The following BIRC5 variants were observed in gnomAD, a reference collection of about 807,000 sequenced individuals.
BIRC5 encodes baculoviral IAP repeat containing 5.
BIRC5 carries 8 observed loss-of-function variants against 15.8 expected under a neutral mutation model. The observed-to-expected ratio is 0.51, with a 90% CI of 0.30 to 0.91. The LOEUF is 0.91. BIRC5 is among the 40% of genes least tolerant of loss of function. BIRC5 has a pLI of 0.07. For missense variants in BIRC5, 163 were observed against 178.6 expected, an observed-to-expected ratio of 0.91 and a Z score of 0.50; for synonymous variants, 56 against 64.5, an observed-to-expected ratio of 0.87 and a Z score of 0.63.
rs1011628017 is a variant in BIRC5, at chr17:78,223,965, G to T, written c.*411G>T. Reference sequence around the variant, plus strand: ...TGTTGAGGCTGTCACAGTCCTGAGTGTGGACTTGGCAGGTGCCTGTTGAAT... The same window carrying T: ...TGTTGAGGCTGTCACAGTCCTGAGTTTGGACTTGGCAGGTGCCTGTTGAAT... On this transcript the variant is annotated 3_prime_UTR_variant, in exon 4 of 4. Transcript: ENST00000350051. 1.4e-5 allele frequency: 3 copies of T among 209,618 alleles called. No homozygotes were observed. Among genetic ancestry groups the T allele is most frequent in the Non-Finnish European group, 2.8e-5 (3 of 105,866 alleles). The allele number at this position is 209,618 out of a possible 1,614,324, so 13.0% of individuals were successfully genotyped here. A position where few individuals can be genotyped will look rare whatever the true frequency, so the allele number is the denominator to read the frequency against.
chr17:78,223,123 G>T, intron 3 of BIRC5: 4 of 933,056 alleles, frequency 4.3e-6, no homozygotes, highest in Non-Finnish European at 6.1e-6. Flanking sequence ...CTGGACCTCG[G>T]TTTCCTCACC....
intron 3 of BIRC5, among the ~76,000 whole-genome samples, chr17:78,222,485 G>GGA (rs775773351): frequency 2.8e-4 from 43 of 151,924 alleles, no homozygotes; most frequent in Non-Finnish European, 5.1e-4. Flanking sequence ...TGACCAACAT[G>GGA]GAGAGACCCC....
At chr17:78,216,453 G>A (rs1272445392) in intron 2 of BIRC5, 2 of 503,558 alleles carry the variant, frequency 4.0e-6, no homozygotes, top group African/African-American at 3.8e-5. Context: ...TGTGGGGGGA[G>A]ATGTCCACAG....
intron 3 of BIRC5, among the ~76,000 whole-genome samples, chr17:78,221,396 G>A (rs1014194381): frequency 2.0e-5 from 3 of 151,980 alleles, no homozygotes; most frequent in South Asian, 2.1e-4. Flanking sequence ...GACTACAGGC[G>A]CATGCCACCA....
chr17:78,223,321 G>T, intron 3 of BIRC5, 144 bp from the exon 4 acceptor site: 1 of 735,398 alleles, frequency 1.4e-6, no homozygotes, highest in Non-Finnish European at 2.1e-6. Flanking sequence ...GTCCCAGGTA[G>T]CTGGGAATCT....
At chr17:78,222,152 T>G (rs936978944) in intron 3 of BIRC5, among the ~76,000 whole-genome samples, 2 of 151,384 alleles carry the variant, frequency 1.3e-5, no homozygotes, top group Admixed American at 6.6e-5. Context: ...CAGTAAGCCA[T>G]GATCTTGCCA....
rs1012093533 is a variant in BIRC5, at chr17:78,224,338, A to C, written c.*784A>C. 1 of 152,254 alleles carries C rather than the reference A, an allele frequency of 6.6e-6. No individual in the cohort carries two copies. Among genetic ancestry groups the C allele is most frequent in the Non-Finnish European group, 1.5e-5 (1 of 68,072 alleles). The allele number at this position is 152,254 out of a possible 1,614,324, so 9.4% of individuals were successfully genotyped here. On this transcript the variant is annotated 3_prime_UTR_variant, in exon 4 of 4. Transcript: ENST00000350051. ...CACTGCTGTGTGATTAGACAGGCCC[A>C]GTGAGCCGCGGGGCACATGCTGGCC...
In BIRC5 at chr17:78,214,366, A is replaced by G. The variant is rs1266173508; in HGVS notation, c.50A>G (p.His17Arg). 1 of 1,607,626 alleles carries G rather than the reference A, an allele frequency of 6.2e-7. No homozygotes were observed. The highest frequency in any genetic ancestry group is 1.3e-5 in the African/African-American group (1 of 74,108). Reference protein sequence around the residue: ...PPAWQPFLKDHRISTFKNWPF... With the variant: ...PPAWQPFLKDRRISTFKNWPF... Reference sequence around the variant, plus strand: ...GCCTGGCAGCCCTTTCTCAAGGACCACCGCATCTCTACATTCAAGAACTGG... The same window carrying G: ...GCCTGGCAGCCCTTTCTCAAGGACCGCCGCATCTCTACATTCAAGAACTGG... The change falls in exon 1 of 4, where the codon CAC becomes CGC. Residue 17 changes from histidine (H) to arginine (R), a missense_variant. By Grantham distance (29) the His-to-Arg change is conservative. Transcript: ENST00000350051.
intron 3 of BIRC5, among the ~76,000 whole-genome samples, chr17:78,217,755 C>CCAAA: frequency 6.6e-6 from 1 of 151,930 alleles, no homozygotes; most frequent in Non-Finnish European, 1.5e-5. Flanking sequence ...CCTCGGCCTC[C>CCAAA]CAAAGTGCTG....
rs1166545623 is a variant in BIRC5 at position 78,223,792 on chromosome 17, T to C, written c.*238T>C. 8.1e-6 allele frequency: 7 copies of C among 869,030 alleles called. No homozygotes were observed. Among genetic ancestry groups the C allele is most frequent in the Non-Finnish European group, 9.8e-6 (6 of 612,184 alleles). 53.8% of individuals were successfully genotyped at this position (869,030 alleles called of 1,614,324 possible). On this transcript the variant is annotated 3_prime_UTR_variant, in exon 4 of 4. Coordinates refer to ENST00000350051, the MANE Select transcript of BIRC5 (RefSeq NM_001168.3). ...TGGCTGCTTCTCTCTCTCTCTCTCTTTTTTGGGGGCTCATTTTTGCTGTTT... is the reference window on the plus strand; with the variant it reads ...TGGCTGCTTCTCTCTCTCTCTCTCTCTTTTGGGGGCTCATTTTTGCTGTTT...
intron 2 of BIRC5, 77 bp from the exon 3 acceptor site, chr17:78,216,576 TGGAGGGCGTGG>T: frequency 9.4e-7 from 1 of 1,063,050 alleles, no homozygotes; most frequent in Admixed American, 1.8e-5. Context: ...GGTGTGCCTG[TGGAGGGCGTGG>T]GGAGGTGGCC....
At chr17:78,216,061 A>G (rs375550186) in intron 2 of BIRC5, 86 of 785,378 alleles carry the variant, frequency 1.1e-4, no homozygotes, top group Middle Eastern at 7.0e-4. Context: ...CATCTTGGCT[A>G]ATACGGTGAA....
rs1013030310 is a variant in BIRC5, at chr17:78,224,243, G to A, written c.*689G>A. ...AGCCATTCTAAGTCATTGGGGAAAC[G>A]GGGTGAACTTCAGGTGGATGAGGAG... On this transcript the variant is annotated 3_prime_UTR_variant, in exon 4 of 4. Coordinates refer to ENST00000350051, the MANE Select transcript of BIRC5 (RefSeq NM_001168.3). 2 of 152,156 alleles carry A rather than the reference G, an allele frequency of 1.3e-5. No individual in the cohort carries two copies. The highest frequency in any genetic ancestry group is 2.4e-5 in the African/African-American group (1 of 41,416). 9.4% of individuals were successfully genotyped at this position (152,156 alleles called of 1,614,324 possible).
chr17:78,221,900 T>C (rs1250966548), intron 3 of BIRC5, among the ~76,000 whole-genome samples: 2 of 152,264 alleles, frequency 1.3e-5, no homozygotes, highest in African/African-American at 4.8e-5. Flanking sequence ...CACAGTCCAT[T>C]ATAAGTGCGC....
Position 78,223,656 on chromosome 17 carries a change from A to G in BIRC5, c.*102A>G. On this transcript the variant is annotated 3_prime_UTR_variant, in exon 4 of 4. Coordinates refer to ENST00000350051, the MANE Select transcript of BIRC5 (RefSeq NM_001168.3). ...CCTGTGGGCCCCTTAGCAATGTCTTAGGAAAGGAGATCAACATTTTCAAAT... is the reference window on the plus strand; with the variant it reads ...CCTGTGGGCCCCTTAGCAATGTCTTGGGAAAGGAGATCAACATTTTCAAAT... 1 of 1,554,926 alleles carries G rather than the reference A, an allele frequency of 6.4e-7. No individual in the cohort carries two copies. The highest frequency in any genetic ancestry group is 8.7e-7 in the Non-Finnish European group (1 of 1,150,074).
chr17:78,221,806 A>G (rs374286758), intron 3 of BIRC5, among the ~76,000 whole-genome samples: 1 of 152,196 alleles, frequency 6.6e-6, no homozygotes, highest in African/African-American at 2.4e-5. Context: ...TGAATAATCC[A>G]TGTGTGTATA....
At chr17:78,219,685 C>T (rs1369156836) in intron 3 of BIRC5, among the ~76,000 whole-genome samples, 1 of 152,220 alleles carries the variant, frequency 6.6e-6, no homozygotes, top group African/African-American at 2.4e-5. Flanking sequence ...TGCCATAGAC[C>T]ATCTCTTAGC....
At chr17:78,215,409 T>C (rs1028502270) in intron 2 of BIRC5, among the ~76,000 whole-genome samples, 1 of 151,260 alleles carries the variant, frequency 6.6e-6, no homozygotes, top group Non-Finnish European at 1.5e-5. Context: ...AGAGCGAGAC[T>C]CCGTCATAAA....
rs1408729507 is a variant in BIRC5 at position 78,216,754 on chromosome 17, G to A, written c.312G>A (p.Leu104=). Residue 104 remains leucine, a synonymous_variant, in exon 3 of 4, where the codon CTG becomes CTA. Transcript: ENST00000350051. ...TAACCCTTGGTGAATTTTTGAAACT[G>A]GACAGAGAAAGAGCCAAGAACAAAA... ...EELTLGEFLK[L]DRERAKNKIA... The A allele has an allele frequency of 1.2e-6, 2 of 1,613,698 alleles. No individual in the cohort carries two copies. The highest frequency in any genetic ancestry group is 1.7e-6 in the Non-Finnish European group (2 of 1,179,874).
Sources: allele counts gnomAD v4.1 joint callset (sites outside exome capture counted in the v4.1 genomes callset), GRCh38; gene constraint gnomAD v4.1.1; transcripts MANE v1.5; gene names NCBI Gene and HGNC (gene_info 2026-07-23, HGNC 2026-07-21).